RBFOX1: variants seen among roughly 807,000 people sequenced by gnomAD.
The protein encoded by RBFOX1 is RNA binding fox-1 homolog 1, also known as RNA binding protein fox-1 homolog 1.
RBFOX1 carries 8 observed loss-of-function variants against 57.7 expected under a neutral mutation model. The ratio of observed to expected loss-of-function variants is 0.14; its 90% CI spans 0.08 to 0.25. The LOEUF (loss-of-function observed/expected upper bound fraction) is 0.25, where lower values mean the gene tolerates loss of function less well. Among genes scored for constraint, RBFOX1 ranks in the 10% least tolerant of loss-of-function variants. RBFOX1 has a pLI of 1.00. For missense variants in RBFOX1, 611 were observed against 548.5 expected, an observed-to-expected ratio of 1.11 and a Z score of -1.14; for synonymous variants, 326 against 222.4, an observed-to-expected ratio of 1.47 and a Z score of -4.15.
intron 1 of RBFOX1, among the ~76,000 whole-genome samples, chr16:6,240,101 T>TTTTACA (rs2097532468): frequency 6.6e-6 from 1 of 152,162 alleles, no homozygotes; most frequent in South Asian, 2.1e-4. Context: ...TTTTCCATCA[T>TTTTACA]TGCCATGTAA....
At chr16:6,651,111 A>G (rs12923841) in intron 2 of RBFOX1, among the ~76,000 whole-genome samples, 1 of 152,074 alleles carries the variant, frequency 6.6e-6, no homozygotes, top group African/African-American at 2.4e-5. Context: ...CATATTAGCC[A>G]GGCTGATCTC....
intron 3 of RBFOX1, among the ~76,000 whole-genome samples, chr16:6,774,555 C>G (rs1166391745): frequency 6.6e-6 from 1 of 152,128 alleles, no homozygotes; most frequent in South Asian, 2.1e-4. Flanking sequence ...AGGGAAGAAG[C>G]AGCTAATGAT....
At chr16:5,688,282 G>C (rs1160221797) in intron 3 of RBFOX1, among the ~76,000 whole-genome samples, 2 of 152,148 alleles carry the variant, frequency 1.3e-5, no homozygotes, top group Non-Finnish European at 2.9e-5. Flanking sequence ...AATTTATTTT[G>C]TTAGTCAGAA....
At chr16:6,454,892 T>C (rs1044556357) in intron 2 of RBFOX1, among the ~76,000 whole-genome samples, 1 of 68,082 alleles carries the variant, frequency 1.5e-5, no homozygotes, top group Non-Finnish European at 3.1e-5. Context: ...TTTTTTTTTT[T>C]TTTTTTTTTG....
intron 14 of RBFOX1, among the ~76,000 whole-genome samples, chr16:7,703,154 G>T (rs114800696): frequency 1.3e-5 from 2 of 152,162 alleles, no homozygotes; most frequent in Non-Finnish European, 2.9e-5. Flanking sequence ...GTAAGTGTGC[G>T]ACTTGCATGG....
chr16:6,759,086 A>G (rs1436483746), intron 3 of RBFOX1, among the ~76,000 whole-genome samples: 1 of 152,094 alleles, frequency 6.6e-6, no homozygotes, highest in Non-Finnish European at 1.5e-5. Flanking sequence ...ACAAGATTAT[A>G]TTCTACTGAA....
chr16:6,357,075 G>A (rs774784459), intron 2 of RBFOX1, among the ~76,000 whole-genome samples: 4 of 152,040 alleles, frequency 2.6e-5, no homozygotes, highest in African/African-American at 9.7e-5. Flanking sequence ...ATTTGGCCAA[G>A]GGAAGCAGCG....
chr16:5,905,194 A>T (rs750728820), intron 4 of RBFOX1, among the ~76,000 whole-genome samples: 8 of 149,920 alleles, frequency 5.3e-5, no homozygotes, highest in Non-Finnish European at 7.4e-5. Flanking sequence ...CAGCCTCACG[A>T]GTAGCTGGGA....
chr16:7,678,823 G>T (rs1401043813), intron 14 of RBFOX1, among the ~76,000 whole-genome samples: 5 of 152,136 alleles, frequency 3.3e-5, no homozygotes, highest in Non-Finnish European at 7.4e-5. Flanking sequence ...ATATTATTCA[G>T]ATTTCTCATT....
intron 1 of RBFOX1, among the ~76,000 whole-genome samples, chr16:5,406,014 G>C (rs1007329468): frequency 6.6e-6 from 1 of 152,174 alleles, no homozygotes; most frequent in Non-Finnish European, 1.5e-5. Context: ...ATAAAATAAT[G>C]AGCCACTGTT....
At chr16:6,194,714 C>G (rs1383805166) in intron 1 of RBFOX1, among the ~76,000 whole-genome samples, 1 of 152,182 alleles carries the variant, frequency 6.6e-6, no homozygotes. Flanking sequence ...TTCATGGGCA[C>G]TCCAAATACT....
At chr16:6,160,585 AGTCAT>A (rs1208567860) in intron 1 of RBFOX1, among the ~76,000 whole-genome samples, 1 of 152,064 alleles carries the variant, frequency 6.6e-6, no homozygotes, top group Middle Eastern at 3.2e-3. Flanking sequence ...ATCCAGCCCG[AGTCAT>A]GCTTTAAATG....
rs1233311945 is a variant in RBFOX1, at chr16:7,707,195, G to C, written c.996-1861G>C. 2.8e-4 allele frequency among the ~76,000 whole-genome samples: 42 copies of C among 152,160 alleles called. 3 individuals carry two copies. Among genetic ancestry groups the C allele is most frequent in the Admixed American group, 2.7e-3 (42 of 15,288 alleles). ...AGTGCCCTTTGACACAGGCAGATGG[G>C]CTTGAGAGTTGGAAGATGCCCAGTG... is the stretch of plus-strand genomic sequence containing the variant. On this transcript the variant is annotated intron_variant, in intron 14 of 15. Transcript: ENST00000550418.
intron 3 of RBFOX1, among the ~76,000 whole-genome samples, chr16:6,957,224 C>T (rs953303553): frequency 2.0e-5 from 3 of 150,664 alleles, no homozygotes; most frequent in Non-Finnish European, 3.0e-5. Context: ...CTCCGCCTCC[C>T]GGGTTCACGC....
chr16:6,525,057 C>T (rs867749168), intron 2 of RBFOX1, among the ~76,000 whole-genome samples: 19 of 152,162 alleles, frequency 1.2e-4, no homozygotes, highest in African/African-American at 4.6e-4. Context: ...GGCTGGGTTA[C>T]TGTTTGTACA....
chr16:5,328,729 C>T (rs549007625), intron 1 of RBFOX1, among the ~76,000 whole-genome samples: 6 of 152,334 alleles, frequency 3.9e-5, no homozygotes, highest in Admixed American at 3.3e-4. Context: ...AGCCCACCCC[C>T]TGGACACAGC....
chr16:5,810,375 A>T (rs1358818535), intron 3 of RBFOX1, among the ~76,000 whole-genome samples: 1 of 152,196 alleles, frequency 6.6e-6, no homozygotes, highest in Non-Finnish European at 1.5e-5. Context: ...AGCCAAGGAG[A>T]GAGGCCTCAG....
At chr16:7,005,412 T>C (rs1404397831) in intron 3 of RBFOX1, among the ~76,000 whole-genome samples, 1 of 152,186 alleles carries the variant, frequency 6.6e-6, no homozygotes, top group Non-Finnish European at 1.5e-5. Context: ...TCAGTATTTC[T>C]TGTGGAAGGA....
chr16:6,218,788 A>G (rs2097352686), intron 1 of RBFOX1, among the ~76,000 whole-genome samples: 1 of 152,006 alleles, frequency 6.6e-6, no homozygotes, highest in Non-Finnish European at 1.5e-5. Flanking sequence ...TTTATCTGCT[A>G]AATCCGAAGT....
Sources: gnomAD v4.1 joint callset for allele counts (sites outside exome capture counted in the v4.1 genomes callset) on GRCh38, gnomAD v4.1.1 for gene constraint, MANE v1.5 for transcripts, NCBI Gene and HGNC (gene_info 2026-07-23, HGNC 2026-07-21) for gene names.